Variants in PPM1L observed in about 807,000 individuals in gnomAD.
PPM1L encodes protein phosphatase, Mg2+/Mn2+ dependent 1L.
PPM1L carries 13 observed loss-of-function variants against 31.4 expected under a neutral mutation model. That is an observed-to-expected ratio of 0.41 (90% confidence interval 0.27 to 0.66). The LOEUF (loss-of-function observed/expected upper bound fraction) is 0.66. PPM1L is among the 30% of genes least tolerant of loss of function. The probability of loss-of-function intolerance (pLI) is 0.29; values close to 1 mark genes in which losing one functional copy is unlikely to be tolerated. For synonymous variants in PPM1L, 184 were observed against 175.4 expected (o/e 1.05, Z -0.39); for missense variants, 326 against 453.7 (o/e 0.72, Z 2.56).
At chr3:160,835,102 TC>T (rs1466246750) in intron 1 of PPM1L, among the ~76,000 whole-genome samples, 9 of 150,588 alleles carry the variant, frequency 6.0e-5, no homozygotes, top group African/African-American at 2.2e-4. Flanking sequence ...TTTTCTTTCT[TC>T]TTTCTTCCTT....
At chr3:160,909,988 G>A (rs1713899192) in intron 1 of PPM1L, among the ~76,000 whole-genome samples, 1 of 152,088 alleles carries the variant, frequency 6.6e-6, no homozygotes. Flanking sequence ...AAGGGGCTGT[G>A]GCTGGAGTAT....
intron 1 of PPM1L, among the ~76,000 whole-genome samples, chr3:160,770,433 A>G (rs1715219675): frequency 6.6e-6 from 1 of 152,176 alleles, no homozygotes; most frequent in Admixed American, 6.5e-5. Context: ...AAAGATGAAA[A>G]CCTGTAGAAA....
rs570244020 is a variant in PPM1L at position 160,778,442 on chromosome 3, G to C, written c.399+21735G>C. The stretch of plus-strand genomic sequence containing the variant: ...TCAAAGTCCTCACTGTTTTTTTAAG[G>C]AGCATCTGGGTACTTGAAATTATGT... On this transcript the variant is annotated intron_variant, in intron 1 of 3. Transcript: ENST00000498165. Among the ~76,000 whole-genome samples the C allele has an allele frequency of 6.6e-5, 10 of 152,124 alleles. No individual in the cohort carries two copies. The East Asian group carries it at 1.7e-3, about 26-fold the overall frequency.
chr3:161,056,344 C>A (rs543314378), intron 2 of PPM1L, among the ~76,000 whole-genome samples: 3 of 152,224 alleles, frequency 2.0e-5, no homozygotes, highest in African/African-American at 7.2e-5. Flanking sequence ...TCCTCTGAGT[C>A]CTTTTCCATC....
intron 1 of PPM1L, among the ~76,000 whole-genome samples, chr3:160,955,844 C>T (rs368609403): frequency 2.0e-5 from 3 of 151,800 alleles, no homozygotes; most frequent in Non-Finnish European, 2.9e-5. Context: ...TTAATAGAGA[C>T]GGGGTTTCAC....
At chr3:160,809,460 A>G (rs144717707) in intron 1 of PPM1L, among the ~76,000 whole-genome samples, 4 of 152,194 alleles carry the variant, frequency 2.6e-5, no homozygotes, top group Non-Finnish European at 5.9e-5. Context: ...ATGGTATTTA[A>G]ATAGCTTCAA....
intron 2 of PPM1L, among the ~76,000 whole-genome samples, chr3:160,975,414 T>G (rs958580786): frequency 3.3e-5 from 5 of 152,316 alleles, no homozygotes; most frequent in Admixed American, 6.5e-5. Flanking sequence ...GTGAAGAAAA[T>G]CATCGGTAGC....
chr3:161,068,860 C>G lies in PPM1L; in HGVS notation c.786C>G (p.Ala262=). The G allele has an allele frequency of 1.9e-6, 3 of 1,614,014 alleles. No individual in the cohort carries two copies. The highest frequency in any genetic ancestry group is 2.5e-6 in the Non-Finnish European group (3 of 1,179,986). The change falls in exon 4 of 4, where the codon GCC becomes GCG. Residue 262 remains alanine, a synonymous_variant. Coordinates refer to ENST00000498165, the MANE Select transcript of PPM1L (RefSeq NM_139245.4). ...CCTGGAGGGTCCAGGGAATCCTGGC[C>G]ATGTCTCGGTCCCTGGGGGATTATC... The part of the protein sequence containing the change: ...NGSWRVQGIL[A]MSRSLGDYPL...
chr3:161,009,279 G>A (rs895080340), intron 2 of PPM1L, among the ~76,000 whole-genome samples: 7 of 152,132 alleles, frequency 4.6e-5, no homozygotes, highest in Non-Finnish European at 5.9e-5. Context: ...TGGATAGAGT[G>A]CCCACAGTGT....
At chr3:161,046,488 A>G (rs1396793072) in intron 2 of PPM1L, among the ~76,000 whole-genome samples, 2 of 152,318 alleles carry the variant, frequency 1.3e-5, no homozygotes, top group Non-Finnish European at 2.9e-5. Flanking sequence ...AGACGGATTC[A>G]CAGCCGAATT....
chr3:161,013,767 A>T (rs1717976967), intron 2 of PPM1L, among the ~76,000 whole-genome samples: 1 of 152,062 alleles, frequency 6.6e-6, no homozygotes, highest in Non-Finnish European at 1.5e-5. Flanking sequence ...TGATACCTTT[A>T]CCATTATGTA....
chr3:161,004,657 G>T (rs1475221140), intron 2 of PPM1L, among the ~76,000 whole-genome samples: 6 of 149,584 alleles, frequency 4.0e-5, no homozygotes, highest in Non-Finnish European at 6.0e-5. Context: ...TCTGATGGTA[G>T]TTTGTATTTC....
intron 2 of PPM1L, among the ~76,000 whole-genome samples, chr3:161,031,242 A>T (rs1718553712): frequency 6.6e-6 from 1 of 152,222 alleles, no homozygotes; most frequent in Middle Eastern, 3.2e-3. Context: ...CACAGGCGCA[A>T]GCTGGAAAGT....
chr3:160,978,213 G>T (rs1559911433), intron 2 of PPM1L, among the ~76,000 whole-genome samples: 1 of 152,152 alleles, frequency 6.6e-6, no homozygotes, highest in Non-Finnish European at 1.5e-5. Flanking sequence ...TCCCACATTT[G>T]GCCAATGGTA....
chr3:160,897,131 C>G (rs1026311780), intron 1 of PPM1L, among the ~76,000 whole-genome samples: 5 of 150,766 alleles, frequency 3.3e-5, no homozygotes, highest in African/African-American at 1.2e-4. Flanking sequence ...CAACCTCCAC[C>G]TCCCGGGTTC....
At chr3:160,986,455 G>T (rs1335673875) in intron 2 of PPM1L, among the ~76,000 whole-genome samples, 1 of 152,076 alleles carries the variant, frequency 6.6e-6, no homozygotes, top group Non-Finnish European at 1.5e-5. Flanking sequence ...TAAAAAATAG[G>T]TACAAAATGA....
At chr3:160,919,511 T>A (rs1385289725) in intron 1 of PPM1L, among the ~76,000 whole-genome samples, 2 of 152,178 alleles carry the variant, frequency 1.3e-5, no homozygotes, top group East Asian at 3.9e-4. Context: ...GGCTGATGGA[T>A]GGAGGAAGGC....
intron 1 of PPM1L, among the ~76,000 whole-genome samples, chr3:160,869,943 G>C (rs1187918097): frequency 6.6e-6 from 1 of 152,192 alleles, no homozygotes; most frequent in East Asian, 1.9e-4. Context: ...GTTGTTGCTA[G>C]AATCACGTGC....
intron 1 of PPM1L, among the ~76,000 whole-genome samples, chr3:160,915,922 A>C (rs1335158381): frequency 6.6e-6 from 1 of 152,266 alleles, no homozygotes; most frequent in African/African-American, 2.4e-5. Context: ...GATGGATTAA[A>C]GACTTAAATG....
Sources: allele counts gnomAD v4.1 joint callset (sites outside exome capture counted in the v4.1 genomes callset), GRCh38; gene constraint gnomAD v4.1.1; transcripts MANE v1.5; gene names NCBI Gene and HGNC (gene_info 2026-07-23, HGNC 2026-07-21).